ZNF438: variants seen among roughly 807,000 people sequenced by gnomAD.
ZNF438 encodes zinc finger protein 438.
A neutral mutation model predicts 38.0 loss-of-function variants in ZNF438; 25 were observed. That is an observed-to-expected ratio of 0.66 (90% CI 0.48 to 0.92). ZNF438 has a LOEUF of 0.92. Ranked by LOEUF, ZNF438 falls within the 40% of genes least tolerant of loss-of-function variation. The pLI is 0.00. For synonymous variants in ZNF438, 372 were observed against 364.1 expected, an observed-to-expected ratio of 1.02 and a Z score of -0.25; for missense variants, 1,007 against 999.6, an observed-to-expected ratio of 1.01 and a Z score of -0.10.
chr10:30,888,580 G>A (rs528254389), intron 3 of ZNF438, among the ~76,000 whole-genome samples: 2 of 152,132 alleles, frequency 1.3e-5, no homozygotes, highest in Non-Finnish European at 2.9e-5. Flanking sequence ...TTGTGTCCAC[G>A]TGTTCTCATC....
At chr10:30,895,376 A>G (rs2041194915) in intron 3 of ZNF438, among the ~76,000 whole-genome samples, 1 of 152,214 alleles carries the variant, frequency 6.6e-6, no homozygotes, top group Admixed American at 6.5e-5. Flanking sequence ...GTTATTTTAT[A>G]ATTATTTAAA....
chr10:30,903,263 T>C (rs1338804236), intron 3 of ZNF438, among the ~76,000 whole-genome samples: 1 of 152,160 alleles, frequency 6.6e-6, no homozygotes, highest in Non-Finnish European at 1.5e-5. Flanking sequence ...AGCGGCGGGC[T>C]GAAGGACTCC....
intron 1 of ZNF438, among the ~76,000 whole-genome samples, chr10:30,987,308 C>A (rs2052930364): frequency 1.5e-5 from 2 of 136,926 alleles, no homozygotes. Flanking sequence ...CAACAGAGTA[C>A]ACCCCTGTCT....
chr10:31,025,430 A>G (rs1460914360), intron 1 of ZNF438, among the ~76,000 whole-genome samples: 1 of 152,242 alleles, frequency 6.6e-6, no homozygotes, highest in East Asian at 1.9e-4. Context: ...AGTGTGTTGG[A>G]AAGTAAAAAA....
chr10:30,949,045 G>A (rs61843633), intron 1 of ZNF438, among the ~76,000 whole-genome samples: 112 of 152,172 alleles, frequency 7.4e-4, no homozygotes, highest in South Asian at 3.5e-3. Context: ...GACTAACAGC[G>A]GATCTCTCGG....
chr10:30,916,849 T>A (rs2134751673), intron 2 of ZNF438, among the ~76,000 whole-genome samples: 1 of 152,170 alleles, frequency 6.6e-6, no homozygotes, highest in East Asian at 1.9e-4. Flanking sequence ...AACTTATTAG[T>A]TAATGCAAAT....
At chr10:30,860,402 T>G (rs915435633) in intron 4 of ZNF438, among the ~76,000 whole-genome samples, 9 of 152,230 alleles carry the variant, frequency 5.9e-5, no homozygotes, top group Non-Finnish European at 1.2e-4. Flanking sequence ...CTGAAAGCTC[T>G]CGTGTCATGT....
chr10:30,952,220 C>T (rs1209452923), intron 1 of ZNF438, among the ~76,000 whole-genome samples: 6 of 150,850 alleles, frequency 4.0e-5, no homozygotes, highest in Non-Finnish European at 5.9e-5. Flanking sequence ...GAAACTGGAT[C>T]CCTTCCTTAC....
chr10:31,013,060 C>T (rs1481675807), intron 1 of ZNF438, among the ~76,000 whole-genome samples: 1 of 152,198 alleles, frequency 6.6e-6, no homozygotes. Flanking sequence ...TGGCTCACGC[C>T]TGTAATCCCA....
chr10:30,963,672 G>A (rs1247360878), intron 1 of ZNF438, among the ~76,000 whole-genome samples: 1 of 152,030 alleles, frequency 6.6e-6, no homozygotes, highest in Non-Finnish European at 1.5e-5. Context: ...AGGAGTTCAG[G>A]AGTTTAAGAC....
At chr10:30,881,117 T>G (rs891612908) in intron 3 of ZNF438, among the ~76,000 whole-genome samples, 1 of 152,130 alleles carries the variant, frequency 6.6e-6, no homozygotes, top group Non-Finnish European at 1.5e-5. Flanking sequence ...TATTCAACCC[T>G]GTATTGGAAG....
chr10:30,949,315 A>AT (rs2047862597), intron 1 of ZNF438, among the ~76,000 whole-genome samples: 1 of 152,214 alleles, frequency 6.6e-6, no homozygotes, highest in South Asian at 2.1e-4. Context: ...TGTAAAGACC[A>AT]TCAAGACTAC....
At chr10:30,927,784 C>T (rs912049473) in intron 2 of ZNF438, among the ~76,000 whole-genome samples, 2 of 152,206 alleles carry the variant, frequency 1.3e-5, no homozygotes, top group African/African-American at 4.8e-5. Context: ...ATCATGACTT[C>T]TCAGGACTTC....
chr10:30,951,818 T>C (rs2048238659), intron 1 of ZNF438, among the ~76,000 whole-genome samples: 2 of 150,446 alleles, frequency 1.3e-5, no homozygotes. Context: ...AAAATGGCCA[T>C]ACTGCCCAAG....
chr10:30,947,413 C>A (rs1468392037), intron 1 of ZNF438, among the ~76,000 whole-genome samples: 2 of 152,232 alleles, frequency 1.3e-5, no homozygotes, highest in African/African-American at 2.4e-5. Context: ...AATCTTAAAA[C>A]ATTGCTCTCT....
intron 1 of ZNF438, among the ~76,000 whole-genome samples, chr10:30,960,876 A>G (rs2049384414): frequency 6.8e-6 from 1 of 146,796 alleles, no homozygotes; most frequent in Non-Finnish European, 1.5e-5. Context: ...GATTTCAACC[A>G]TTAACGTATT....
chr10:30,961,149 TA>T lies in ZNF438; in HGVS notation c.-191-19499del, dbSNP rs562859851. Reference sequence around the variant, plus strand: ...TCTTACTTTATATAAGCCTGTTTCTTAAAAAAAAAAAAAGTTTTTTTTACAT... The same window carrying T: ...TCTTACTTTATATAAGCCTGTTTCTTAAAAAAAAAAAAGTTTTTTTTACAT... On this transcript the variant is annotated intron_variant, in intron 1 of 5. Coordinates refer to ENST00000413025, the Ensembl canonical transcript of ZNF438. 8.8e-3 allele frequency among the ~76,000 whole-genome samples: 1,118 copies of T among 127,522 alleles called. 29 individuals are homozygous for T. Among genetic ancestry groups the T allele is most frequent in the African/African-American group, 0.025 (917 of 36,488 alleles). The allele number at this position is 127,522 out of a possible 152,430, so 83.7% of individuals were successfully genotyped here. A position where few individuals can be genotyped will look rare whatever the true frequency, so the allele number is the denominator to read the frequency against.
chr10:30,941,179 C>A (rs2046783466), intron 2 of ZNF438, among the ~76,000 whole-genome samples: 1 of 152,154 alleles, frequency 6.6e-6, no homozygotes, highest in South Asian at 2.1e-4. Context: ...TGAAGCAACT[C>A]TCCTGTCTCA....
At chr10:30,921,430 C>CT (rs1465159919) in intron 2 of ZNF438, among the ~76,000 whole-genome samples, 2 of 152,098 alleles carry the variant, frequency 1.3e-5, no homozygotes, top group African/African-American at 2.4e-5. Flanking sequence ...TCTTAAAAGT[C>CT]TTTTAAGTAT....
Sources: allele counts gnomAD v4.1 joint callset (sites outside exome capture counted in the v4.1 genomes callset), GRCh38; gene constraint gnomAD v4.1.1; transcripts MANE v1.5; gene names NCBI Gene and HGNC (gene_info 2026-07-23, HGNC 2026-07-21).